MYO7B: variants seen among roughly 807,000 people sequenced by gnomAD.
The protein encoded by MYO7B is unconventional myosin-VIIb.
Under a neutral mutation model 259.7 loss-of-function variants are expected in MYO7B, and 212 were observed. The observed-to-expected ratio is 0.82, with a 90% CI of 0.73 to 0.91. MYO7B has a LOEUF of 0.91. Among genes scored for constraint, MYO7B ranks in the 40% least tolerant of loss-of-function variants. The probability of loss-of-function intolerance (pLI) is 0.00; values close to 1 mark genes in which losing one functional copy is unlikely to be tolerated. For missense variants in MYO7B, 2,732 were observed against 2,813.5 expected (o/e 0.97, Z 0.66); for synonymous variants, 1,197 against 1,166.4 (o/e 1.03, Z -0.54).
intron 3 of MYO7B, 97 bp downstream of exon 3, chr2:127,564,363 G>T (rs543784797): frequency 1.3e-5 from 12 of 952,108 alleles, no homozygotes; most frequent in Non-Finnish European, 1.9e-5. Flanking sequence ...CAACACCAGG[G>T]GCTCCAAGGC....
chr2:127,622,773 T>C (rs1680903309), intron 28 of MYO7B, among the ~76,000 whole-genome samples: 1 of 152,192 alleles, frequency 6.6e-6, no homozygotes, highest in African/African-American at 2.4e-5. Context: ...GCAGTAGCTG[T>C]GCATGTTGAC....
In MYO7B at chr2:127,636,810, A is replaced by G. The variant is rs367810844; in HGVS notation, c.6224A>G (p.Tyr2075Cys). ...HPKTKDLLTT[Y>C]PFTKISSWSS... is the part of the protein sequence containing the mutation. ...TGCCCCCAGGACCTGCTCACCACCT[A>G]TCCCTTCACCAAGATCTCCAGCTGG... The change falls in exon 47 of 48, where the codon TAT becomes TGT. Residue 2075 changes from tyrosine (Y) to cysteine (C), a missense_variant. Around this residue, in one of 3 missense-constraint regions of MYO7B, gnomAD observed 821 missense variants for 769.3 expected, o/e 1.07. Transcript: ENST00000409816. The surrounding 1 kb of genome is among the most constrained non-coding windows in gnomAD (Gnocchi z 4.5). The G allele has an allele frequency of 1.1e-4, 185 of 1,613,088 alleles. No individual in the cohort carries two copies. The East Asian group carries it at 3.1e-3, about 27-fold the overall frequency.
At chr2:127,551,454 G>A (rs1296451457) in intron 1 of MYO7B, among the ~76,000 whole-genome samples, 6 of 152,178 alleles carry the variant, frequency 3.9e-5, no homozygotes, top group Admixed American at 3.9e-4. Flanking sequence ...TCCCCAGGCT[G>A]AGAGATCTTA....
At chr2:127,600,776 C>T (rs895015100) in intron 19 of MYO7B, among the ~76,000 whole-genome samples, 2 of 152,178 alleles carry the variant, frequency 1.3e-5, no homozygotes, top group Non-Finnish European at 2.9e-5. Flanking sequence ...GCTTTAGTTT[C>T]ATTACTTCTT....
At chr2:127,547,230 C>G (rs1005209416) in intron 1 of MYO7B, among the ~76,000 whole-genome samples, 1 of 152,208 alleles carries the variant, frequency 6.6e-6, no homozygotes, top group Non-Finnish European at 1.5e-5. Flanking sequence ...TGAGCCCTGA[C>G]TAGTATGAGT....
Position 127,632,275 on chromosome 2 carries a change from T to C in MYO7B, c.5279T>C (p.Leu1760Pro). The change falls in exon 39 of 48, where the codon CTG (leucine) becomes CCG (proline). Residue 1760 changes from leucine to proline, a missense_variant. Transcript: ENST00000409816. ...RHSEERGWQL[L>P]WLCTGLFPPS... ...AGCGAAGAGCGGGGCTGGCAGCTGC[T>C]GTGGCTGTGCACGGGCCTCTTCCCG... The C allele has an allele frequency of 6.2e-7, 1 of 1,611,764 alleles. No homozygotes were observed. The highest frequency in any genetic ancestry group is 8.5e-7 in the Non-Finnish European group (1 of 1,179,548).
chr2:127,616,828 G>T (rs1558838086), intron 26 of MYO7B, among the ~76,000 whole-genome samples: 1 of 152,184 alleles, frequency 6.6e-6, no homozygotes, highest in Non-Finnish European at 1.5e-5. Flanking sequence ...CGACAGGGGG[G>T]TGCCATTTTG....
Position 127,620,424 on chromosome 2 carries a change from C to A in MYO7B, c.3483C>A (p.Ser1161Arg). ...TGGCCCGGGGCTGGATCCTGCTCAG[C>A]CTCTGCCTCGGCTGCTTCCCACCCT... ...SSLARGWILL[S>R]LCLGCFPPSE... The change falls in exon 27 of 48, where the codon AGC becomes AGA. Residue 1161 changes from serine to arginine, a missense_variant. Physicochemically the swap from Ser to Arg is moderately radical, Grantham distance 110 (BLOSUM62 -1). Transcript: ENST00000409816. 1 of 1,610,242 alleles carries A rather than the reference C, an allele frequency of 6.2e-7. No individual in the cohort carries two copies. The highest frequency in any genetic ancestry group is 8.5e-7 in the Non-Finnish European group (1 of 1,177,060).
chr2:127,631,026 G>A, intron 36 of MYO7B, 118 bp downstream of exon 36: 2 of 1,384,582 alleles, frequency 1.4e-6, no homozygotes, highest in Non-Finnish European at 2.0e-6. Flanking sequence ...GAGCTGCAGA[G>A]AGGCCACGCC....
At chr2:127,542,186 A>G (rs941335060) in intron 1 of MYO7B, among the ~76,000 whole-genome samples, 11 of 152,224 alleles carry the variant, frequency 7.2e-5, no homozygotes, top group Non-Finnish European at 1.0e-4. Flanking sequence ...ATTACCCTGA[A>G]TGCTGAGCTG....
intron 1 of MYO7B, among the ~76,000 whole-genome samples, chr2:127,551,424 C>T (rs953121651): frequency 5.3e-5 from 8 of 152,202 alleles, no homozygotes; most frequent in African/African-American, 1.7e-4. Context: ...GCTGTTTGAG[C>T]ATCCTCACAA....
chr2:127,582,284 C>T lies in MYO7B; in HGVS notation c.1201-20C>T. 2 of 1,611,502 alleles carry T rather than the reference C, an allele frequency of 1.2e-6. No individual in the cohort carries two copies. Among genetic ancestry groups the T allele is most frequent in the Non-Finnish European group, 1.7e-6 (2 of 1,178,996 alleles). ...CTGAGCCTCCAAGCCCAGGATTCTC[C>T]CACCCCCGTGTCTCTCCAGGGCATC... On this transcript the variant is annotated intron_variant, in intron 11 of 47. Transcript: ENST00000409816.
At chr2:127,565,526 C>A in intron 4 of MYO7B, 141 bp downstream of exon 4, 5 of 1,165,548 alleles carry the variant, frequency 4.3e-6, no homozygotes, top group Non-Finnish European at 6.0e-6. Context: ...TAACTTTTCC[C>A]AATCTCTGCT....
chr2:127,626,932 G>T, intron 31 of MYO7B, 43 bp from the exon 32 acceptor site: 2 of 1,539,840 alleles, frequency 1.3e-6, no homozygotes, highest in South Asian at 1.2e-5. Context: ...GGATTCACTA[G>T]GGAAGGCAGG....
Position 127,565,100 on chromosome 2 carries a change from G to A in MYO7B, c.133-133G>A, listed in dbSNP as rs146543202. The A allele has an allele frequency of 6.1e-6, 7 of 1,144,732 alleles. No homozygotes were observed. The East Asian group carries it at 1.8e-4, about 30-fold the overall frequency. 70.9% of individuals were successfully genotyped at this position (1,144,732 alleles called of 1,614,324 possible). A position where few individuals can be genotyped will look rare whatever the true frequency, so the allele number is the denominator to read the frequency against. On this transcript the variant is annotated intron_variant, in intron 3 of 47. Coordinates refer to ENST00000409816, the MANE Select transcript of MYO7B (RefSeq NM_001393586.1). ...ATAGACTGACCCTGGCCGGAGGCTG[G>A]CCACTGCCCCAGGTCAGCTGATCCA...
At chr2:127,570,349 G>C (rs1162316906) in intron 6 of MYO7B, among the ~76,000 whole-genome samples, 1 of 152,214 alleles carries the variant, frequency 6.6e-6, no homozygotes, top group Non-Finnish European at 1.5e-5. Flanking sequence ...CTTGGATGCT[G>C]CTCAGACGCT....
In MYO7B at chr2:127,584,398, G is replaced by A. The variant is rs566141105; in HGVS notation, c.1554+66G>A. On this transcript the variant is annotated intron_variant, in intron 13 of 47. Transcript: ENST00000409816. The surrounding 1 kb of genome is among the most constrained non-coding windows in gnomAD (Gnocchi z 5.8). ...CTATGGGTCTCCTCTTGGAGGCTGG[G>A]AAACTCCATTTGGGTGGGCCACTTG... 2.6e-4 allele frequency: 397 copies of A among 1,542,120 alleles called. 4 individuals carry two copies. In the South Asian group the frequency reaches 4.4e-3, roughly 17 times the overall value.
intron 26 of MYO7B, among the ~76,000 whole-genome samples, chr2:127,618,687 A>G (rs1680688518): frequency 6.6e-6 from 1 of 152,230 alleles, no homozygotes; most frequent in Admixed American, 6.5e-5. Flanking sequence ...CCCTTGAGAC[A>G]GCCCACAGGG....
intron 24 of MYO7B, among the ~76,000 whole-genome samples, chr2:127,610,932 C>A (rs998739075): frequency 6.6e-6 from 1 of 151,976 alleles, no homozygotes; most frequent in Non-Finnish European, 1.5e-5. Context: ...AACAAATTAC[C>A]CCCCCCAAAC....
Sources: allele counts gnomAD v4.1 joint callset (sites outside exome capture counted in the v4.1 genomes callset), GRCh38; gene constraint gnomAD v4.1.1; regional missense constraint gnomAD v4.1.1; non-coding constraint Gnocchi (gnomAD v3.1); transcripts MANE v1.5; gene names NCBI Gene and HGNC (gene_info 2026-07-23, HGNC 2026-07-21).